GALNT2: variants seen among roughly 807,000 people sequenced by gnomAD.
GALNT2 encodes the protein UDP-GalNAc:polypeptide N-acetylgalactosaminyltransferase 2.
GALNT2 carries 31 observed loss-of-function variants against 81.4 expected under a neutral mutation model. The observed-to-expected ratio is 0.38, with a 90% CI of 0.29 to 0.51. The LOEUF (loss-of-function observed/expected upper bound fraction) is 0.51, where lower values mean the gene tolerates loss of function less well. Among genes scored for constraint, GALNT2 ranks in the 20% least tolerant of loss-of-function variants. GALNT2 has a pLI of 0.87. For synonymous variants in GALNT2, 303 were observed against 287.4 expected (o/e 1.05, Z -0.55); for missense variants, 629 against 765.7 (o/e 0.82, Z 2.11).
intron 1 of GALNT2, among the ~76,000 whole-genome samples, chr1:230,109,246 C>T (rs1257271200): frequency 6.6e-6 from 1 of 152,182 alleles, no homozygotes; most frequent in African/African-American, 2.4e-5. Context: ...CTTGCCTTTG[C>T]AGGTGAGCGG....
intron 1 of GALNT2, among the ~76,000 whole-genome samples, chr1:230,100,419 G>A (rs1451059462): frequency 7.0e-6 from 1 of 143,246 alleles, no homozygotes; most frequent in African/African-American, 2.6e-5. Context: ...CTCCGCCTCC[G>A]GGTTCAAGTG....
At chr1:230,144,831 C>T (rs551357937) in intron 1 of GALNT2, among the ~76,000 whole-genome samples, 1 of 152,202 alleles carries the variant, frequency 6.6e-6, no homozygotes, top group East Asian at 1.9e-4. Flanking sequence ...ATTAAAAAGC[C>T]TGGGAGTAGG....
chr1:230,198,041 G>A (rs1663757127), intron 2 of GALNT2, among the ~76,000 whole-genome samples: 1 of 152,186 alleles, frequency 6.6e-6, no homozygotes, highest in African/African-American at 2.4e-5. Flanking sequence ...TCTCATATGC[G>A]GCTGTATCGG....
intron 2 of GALNT2, among the ~76,000 whole-genome samples, chr1:230,191,959 T>G (rs1360703339): frequency 1.3e-5 from 2 of 152,202 alleles, no homozygotes; most frequent in Non-Finnish European, 2.9e-5. Context: ...ATGGAAAGAT[T>G]TTCACACCTG....
At chr1:230,129,736 A>G (rs1462142552) in intron 1 of GALNT2, among the ~76,000 whole-genome samples, 1 of 152,214 alleles carries the variant, frequency 6.6e-6, no homozygotes, top group East Asian at 1.9e-4. Flanking sequence ...CTCAGGGTGC[A>G]TGTGCAGGTT....
rs1183189553 is a variant in GALNT2 at position 230,225,682 on chromosome 1, G to GT, written c.375-10319dup. 2.6e-3 allele frequency among the ~76,000 whole-genome samples: 362 copies of GT among 137,558 alleles called. 2 individuals are homozygous for GT. Among genetic ancestry groups the GT allele is most frequent in the African/African-American group, 7.9e-3 (277 of 34,874 alleles). 90.2% of individuals were successfully genotyped at this position (137,558 alleles called of 152,430 possible). On this transcript the variant is annotated intron_variant, in intron 3 of 15. Coordinates refer to ENST00000366672, the MANE Select transcript of GALNT2 (RefSeq NM_004481.5). The stretch of plus-strand genomic sequence containing the variant: ...AATCTGGAGGAGGCAGAGTTTTTTT[G>GT]TTTTTTTTTTTTTAACCTCTGTGCT...
intron 3 of GALNT2, among the ~76,000 whole-genome samples, chr1:230,232,875 C>A (rs1336635117): frequency 6.6e-6 from 1 of 151,974 alleles, no homozygotes; most frequent in Admixed American, 6.5e-5. Flanking sequence ...TAATTCCTGC[C>A]TGCTTTTTTC....
chr1:230,131,294 G>A lies in GALNT2; in HGVS notation c.127-46924G>A, dbSNP rs183651477. Among the ~76,000 whole-genome samples the A allele has an allele frequency of 1.2e-4, 18 of 152,276 alleles. No homozygotes were observed. The East Asian group carries it at 3.3e-3, about 28-fold the overall frequency. ...TTTTAATTTCTTTCTGAGAGGCCTG[G>A]AGGAAGACACTTCCACAGGCCAGAT... is the stretch of plus-strand genomic sequence containing the variant. On this transcript the variant is annotated intron_variant, in intron 1 of 15. Transcript: ENST00000366672.
chr1:230,119,467 C>CT (rs1660948666), intron 1 of GALNT2, among the ~76,000 whole-genome samples: 1 of 152,186 alleles, frequency 6.6e-6, no homozygotes, highest in African/African-American at 2.4e-5. Flanking sequence ...CACGTGGGGT[C>CT]TGTGCTGCAC....
chr1:230,118,187 A>G (rs534747078), intron 1 of GALNT2, among the ~76,000 whole-genome samples: 2 of 152,254 alleles, frequency 1.3e-5, no homozygotes, highest in South Asian at 2.1e-4. Flanking sequence ...TCTTTTTAGC[A>G]CTGAATACTG....
At chr1:230,241,017 A>G (rs954248715) in intron 6 of GALNT2, among the ~76,000 whole-genome samples, 3 of 152,176 alleles carry the variant, frequency 2.0e-5, no homozygotes, top group Non-Finnish European at 2.9e-5. Flanking sequence ...TTCATTTCAG[A>G]TAATTTCATT....
At chr1:230,131,476 A>C (rs7544981) in intron 1 of GALNT2, among the ~76,000 whole-genome samples, 16,826 of 152,212 alleles carry the variant, frequency 0.11, 1,030 homozygotes, top group Middle Eastern at 0.18. Context: ...GCTTTCATGT[A>C]TTGATTTATG....
intron 1 of GALNT2, among the ~76,000 whole-genome samples, chr1:230,123,258 C>T (rs112594944): frequency 6.9e-4 from 105 of 152,294 alleles, no homozygotes; most frequent in African/African-American, 2.1e-3. Context: ...TTATTCGTGA[C>T]GCTTGGCTCC....
At chr1:230,073,839 G>A (rs976507856) in intron 1 of GALNT2, among the ~76,000 whole-genome samples, 9 of 152,120 alleles carry the variant, frequency 5.9e-5, no homozygotes, top group Non-Finnish European at 8.8e-5. Context: ...CCCTTCTGCC[G>A]CAGCCTTCCA....
At chr1:230,190,583 G>A (rs568557595) in intron 2 of GALNT2, among the ~76,000 whole-genome samples, 84 of 152,250 alleles carry the variant, frequency 5.5e-4, no homozygotes, top group African/African-American at 1.9e-3. Context: ...CTCCACACAC[G>A]CCCATCTCTC....
chr1:230,189,482 A>G (rs1321586728), intron 2 of GALNT2, among the ~76,000 whole-genome samples: 1 of 152,234 alleles, frequency 6.6e-6, no homozygotes, highest in African/African-American at 2.4e-5. Context: ...CCTAACAGAG[A>G]CGTTTTAGCT....
chr1:230,253,435 A>G (rs1665611974), intron 10 of GALNT2, among the ~76,000 whole-genome samples: 1 of 152,182 alleles, frequency 6.6e-6, no homozygotes, highest in Non-Finnish European at 1.5e-5. Context: ...AGGATTTGCC[A>G]TCAACTCACT....
intron 11 of GALNT2, among the ~76,000 whole-genome samples, chr1:230,256,868 G>A (rs1206507293): frequency 3.3e-5 from 5 of 150,912 alleles, no homozygotes; most frequent in Non-Finnish European, 5.9e-5. Flanking sequence ...TCATGTGGTC[G>A]GGCATGATTA....
intron 1 of GALNT2, among the ~76,000 whole-genome samples, chr1:230,080,360 G>C (rs1245808638): frequency 6.6e-6 from 1 of 152,140 alleles, no homozygotes; most frequent in Non-Finnish European, 1.5e-5. Flanking sequence ...GCAGAAATTC[G>C]AGTCCTGTTG....
Sources: gnomAD v4.1 joint callset for allele counts (sites outside exome capture counted in the v4.1 genomes callset) on GRCh38, gnomAD v4.1.1 for gene constraint, MANE v1.5 for transcripts, NCBI Gene and HGNC (gene_info 2026-07-23, HGNC 2026-07-21) for gene names.